The following AGPS variants were observed in gnomAD, a reference collection of about 807,000 sequenced individuals.
AGPS encodes alkylglycerone phosphate synthase.
A neutral mutation model predicts 90.7 loss-of-function variants in AGPS; 26 were observed. The ratio of observed to expected loss-of-function variants is 0.29; its 90% CI spans 0.21 to 0.40. The LOEUF (loss-of-function observed/expected upper bound fraction) is 0.40. Among genes scored for constraint, AGPS ranks in the 10% least tolerant of loss-of-function variants. The probability of loss-of-function intolerance (pLI) is 1.00; values close to 1 mark genes in which losing one functional copy is unlikely to be tolerated. For missense variants in AGPS, 540 were observed against 816.1 expected, an observed-to-expected ratio of 0.66 and a Z score of 4.12; for synonymous variants, 294 against 285.3, an observed-to-expected ratio of 1.03 and a Z score of -0.31.
At chr2:177,533,003 G>A (rs543144100) in intron 19 of AGPS, among the ~76,000 whole-genome samples, 12 of 152,258 alleles carry the variant, frequency 7.9e-5, no homozygotes, top group South Asian at 2.1e-4. Flanking sequence ...TGTAAACAGC[G>A]CAGGGATCCT....
chr2:177,404,943 A>T (rs1182568217), intron 1 of AGPS, among the ~76,000 whole-genome samples: 1 of 152,168 alleles, frequency 6.6e-6, no homozygotes, highest in African/African-American at 2.4e-5. Flanking sequence ...AATGAGGGAT[A>T]TTTGTTATAA....
chr2:177,393,893 A>G (rs1294346063), intron 1 of AGPS, among the ~76,000 whole-genome samples: 1 of 152,104 alleles, frequency 6.6e-6, no homozygotes. Flanking sequence ...AAATGGATAA[A>G]CCGAGAGTGA....
chr2:177,531,660 T>TGGTAAATTTTAG (rs926520169), intron 19 of AGPS, among the ~76,000 whole-genome samples: 3 of 152,160 alleles, frequency 2.0e-5, no homozygotes, highest in African/African-American at 7.2e-5. Flanking sequence ...CTAAAATTTA[T>TGGTAAATTTTAG]ATGGTAAGGA....
chr2:177,491,266 TAG>T (rs1688250142), intron 11 of AGPS, among the ~76,000 whole-genome samples: 1 of 63,084 alleles, frequency 1.6e-5, no homozygotes, highest in Admixed American at 2.2e-4. Flanking sequence ...AGAAAATCAG[TAG>T]GAATTTTTTT....
intron 5 of AGPS, 50 bp from the exon 6 acceptor site, chr2:177,440,915 A>T (rs375925194): frequency 1.2e-5 from 18 of 1,494,620 alleles, no homozygotes; most frequent in Admixed American, 3.4e-5. Flanking sequence ...CAAGGTTATC[A>T]GATTTTATTT....
At chr2:177,425,617 G>A (rs1199632245) in intron 2 of AGPS, among the ~76,000 whole-genome samples, 1 of 76,558 alleles carries the variant, frequency 1.3e-5, no homozygotes, top group Admixed American at 2.0e-4. Context: ...GTGAAACTCT[G>A]CCTAGAAAAA....
At position 177,428,657 on chromosome 2, in the gene AGPS, T is replaced by C. The variant is rs554410948; in HGVS notation, c.351-5670T>C. Among the ~76,000 whole-genome samples, 92 of 152,324 alleles carry C rather than the reference T, an allele frequency of 6.0e-4. No homozygotes were observed. In the Middle Eastern group the frequency reaches 0.01, roughly 17 times the overall value. On this transcript the variant is annotated intron_variant, in intron 2 of 19. Transcript: ENST00000264167. Reference sequence around the variant, plus strand: ...TTGAATATTGGCCCCCAATCTCTTCTGGCCTGTAGGGTTTTTGCTGAGAGG... The same window carrying C: ...TTGAATATTGGCCCCCAATCTCTTCCGGCCTGTAGGGTTTTTGCTGAGAGG...
chr2:177,430,055 A>G (rs1045794838), intron 2 of AGPS, among the ~76,000 whole-genome samples: 1 of 152,246 alleles, frequency 6.6e-6, no homozygotes, highest in Admixed American at 6.5e-5. Flanking sequence ...CCCACTTAAA[A>G]AAAAGCAGTC....
At chr2:177,444,187 G>A (rs1358980299) in intron 7 of AGPS, among the ~76,000 whole-genome samples, 2 of 152,162 alleles carry the variant, frequency 1.3e-5, no homozygotes, top group African/African-American at 4.8e-5. Flanking sequence ...TTGGGAGGCT[G>A]AGGTGGGCAG....
chr2:177,467,472 A>G (rs1687488764), intron 9 of AGPS, among the ~76,000 whole-genome samples: 2 of 152,146 alleles, frequency 1.3e-5, no homozygotes. Flanking sequence ...TTGTTGGATC[A>G]AGAAGTTTAT....
intron 2 of AGPS, among the ~76,000 whole-genome samples, chr2:177,431,952 T>G (rs557600934): frequency 2.5e-4 from 38 of 152,344 alleles, no homozygotes; most frequent in African/African-American, 8.2e-4. Flanking sequence ...GTATTAATTT[T>G]GGGAACTGAT....
chr2:177,436,891 T>C lies in AGPS; in HGVS notation c.562+7T>C. 1.2e-6 allele frequency: 2 copies of C among 1,612,334 alleles called. No individual in the cohort carries two copies. Among genetic ancestry groups the C allele is most frequent in the Non-Finnish European group, 1.7e-6 (2 of 1,178,682 alleles). On this transcript the variant is annotated splice_region_variant and intron_variant, in intron 4 of 19. Coordinates refer to ENST00000264167, the MANE Select transcript of AGPS (RefSeq NM_003659.4). ...CGAGTATTTAGAGCTCATGGTAAGT[T>C]ACTTTATATTAGCCCTATTTATTTT...
intron 1 of AGPS, among the ~76,000 whole-genome samples, chr2:177,410,011 G>A (rs1486216008): frequency 6.6e-6 from 1 of 152,206 alleles, no homozygotes; most frequent in African/African-American, 2.4e-5. Context: ...GAAAGGTTTG[G>A]TGAAGGGTTT....
At chr2:177,447,345 A>G (rs1686807425) in intron 8 of AGPS, among the ~76,000 whole-genome samples, 1 of 152,174 alleles carries the variant, frequency 6.6e-6, no homozygotes, top group African/African-American at 2.4e-5. Flanking sequence ...ACAGTGTTAA[A>G]GATCCTCAAT....
At chr2:177,478,238 T>G (rs1425792346) in intron 10 of AGPS, among the ~76,000 whole-genome samples, 1 of 152,232 alleles carries the variant, frequency 6.6e-6, no homozygotes, top group African/African-American at 2.4e-5. Flanking sequence ...TTTTCTCTTG[T>G]GATTGATGAG....
intron 10 of AGPS, among the ~76,000 whole-genome samples, chr2:177,479,684 T>G (rs1363420689): frequency 2.0e-5 from 3 of 152,190 alleles, no homozygotes; most frequent in African/African-American, 4.8e-5. Context: ...CCAGATATTA[T>G]GAGATTCCTT....
intron 18 of AGPS, 140 bp downstream of exon 18, chr2:177,521,508 A>G: frequency 1.3e-6 from 1 of 763,498 alleles, no homozygotes; most frequent in African/African-American, 1.7e-5. Context: ...AATGAAAAGC[A>G]TATTTGTTTC....
At chr2:177,422,697 G>A (rs541608369) in intron 2 of AGPS, among the ~76,000 whole-genome samples, 64 of 152,276 alleles carry the variant, frequency 4.2e-4, no homozygotes, top group African/African-American at 1.5e-3. Context: ...TAACTAAAAT[G>A]AAATAACAAA....
At chr2:177,393,748 C>CTT (rs79768850) in intron 1 of AGPS, among the ~76,000 whole-genome samples, 31 of 130,668 alleles carry the variant, frequency 2.4e-4, no homozygotes, top group African/African-American at 8.1e-4. Flanking sequence ...TTGGAGAAAT[C>CTT]TTTTTTTTTT....
Sources: allele counts gnomAD v4.1 joint callset (sites outside exome capture counted in the v4.1 genomes callset), GRCh38; gene constraint gnomAD v4.1.1; transcripts MANE v1.5; gene names NCBI Gene and HGNC (gene_info 2026-07-23, HGNC 2026-07-21).